THSD7B: variants seen among roughly 807,000 people sequenced by gnomAD.
The protein encoded by THSD7B is thrombospondin type 1 domain containing 7B.
A neutral mutation model predicts 213.6 loss-of-function variants in THSD7B; 138 were observed. That is an observed-to-expected ratio of 0.65 (90% CI 0.56 to 0.74). The LOEUF is 0.74. THSD7B is among the 30% of genes least tolerant of loss of function. THSD7B has a pLI of 0.00. For missense variants in THSD7B, 1,931 were observed against 1,991.5 expected, an observed-to-expected ratio of 0.97 and a Z score of 0.58; for synonymous variants, 742 against 687.0, an observed-to-expected ratio of 1.08 and a Z score of -1.25.
At chr2:137,032,689 C>T (rs966471337) in intron 2 of THSD7B, among the ~76,000 whole-genome samples, 1 of 152,156 alleles carries the variant, frequency 6.6e-6, no homozygotes, top group Non-Finnish European at 1.5e-5. Context: ...TCCTCTATCA[C>T]ATAACTGTAT....
At chr2:137,610,581 G>A (rs1682270148) in intron 17 of THSD7B, among the ~76,000 whole-genome samples, 1 of 152,082 alleles carries the variant, frequency 6.6e-6, no homozygotes, top group Non-Finnish European at 1.5e-5. Flanking sequence ...AGAACCCTGT[G>A]AAAGGAAATA....
At chr2:136,827,891 C>T (rs1233715813) in intron 1 of THSD7B, among the ~76,000 whole-genome samples, 1 of 151,790 alleles carries the variant, frequency 6.6e-6, no homozygotes, top group Non-Finnish European at 1.5e-5. Flanking sequence ...TGAATTTAGC[C>T]CATTTCTTAC....
intron 17 of THSD7B, among the ~76,000 whole-genome samples, chr2:137,598,177 G>A (rs1434731833): frequency 2.0e-5 from 3 of 152,030 alleles, no homozygotes; most frequent in South Asian, 2.1e-4. Context: ...CATTATTTTT[G>A]TCCTGATGAA....
intron 6 of THSD7B, among the ~76,000 whole-genome samples, chr2:137,167,608 T>C (rs1447082104): frequency 2.0e-5 from 3 of 152,170 alleles, no homozygotes; most frequent in Non-Finnish European, 4.4e-5. Flanking sequence ...CTGACCCCTT[T>C]TCTGCCATCT....
chr2:136,836,606 A>C (rs1360972943), intron 1 of THSD7B, among the ~76,000 whole-genome samples: 1 of 152,182 alleles, frequency 6.6e-6, no homozygotes, highest in Non-Finnish European at 1.5e-5. Flanking sequence ...TTTGAGTTTT[A>C]GAGTGCTCCA....
chr2:136,776,327 T>A (rs1486299779), intron 1 of THSD7B, among the ~76,000 whole-genome samples: 1 of 152,190 alleles, frequency 6.6e-6, no homozygotes, highest in Non-Finnish European at 1.5e-5. Context: ...TATTTCATGG[T>A]GTTTTGAAGT....
chr2:137,163,798 T>G (rs1209806661), intron 6 of THSD7B, among the ~76,000 whole-genome samples: 3 of 152,202 alleles, frequency 2.0e-5, no homozygotes, highest in Non-Finnish European at 4.4e-5. Flanking sequence ...ATACAGCACT[T>G]CACAAAATGA....
At chr2:136,903,962 GTGTGTGTGTGTTTGTT>G (rs1295719276) in intron 2 of THSD7B, among the ~76,000 whole-genome samples, 1,536 of 63,834 alleles carry the variant, frequency 0.024, 28 homozygotes, top group Middle Eastern at 0.08. Flanking sequence ...GTGTGTGTGT[GTGTGTGTGTGTTTGTT>G]TGTTTCTGAG....
At chr2:137,565,199 G>A (rs759604479) in intron 16 of THSD7B, among the ~76,000 whole-genome samples, 28 of 152,244 alleles carry the variant, frequency 1.8e-4, no homozygotes, top group Admixed American at 3.3e-4. Flanking sequence ...TGTCATTTAA[G>A]TGACCCAGTC....
intron 3 of THSD7B, among the ~76,000 whole-genome samples, chr2:137,077,922 T>A (rs748171292): frequency 5.3e-5 from 8 of 152,166 alleles, no homozygotes; most frequent in Non-Finnish European, 7.4e-5. Flanking sequence ...CTGAATGGTA[T>A]TGCCTAGGTT....
chr2:137,501,184 C>T (rs1679695306), intron 15 of THSD7B, among the ~76,000 whole-genome samples: 1 of 151,276 alleles, frequency 6.6e-6, no homozygotes, highest in Non-Finnish European at 1.5e-5. Flanking sequence ...CTGCATCTGC[C>T]CCTTTTGGAA....
intron 2 of THSD7B, among the ~76,000 whole-genome samples, chr2:137,023,590 G>A (rs368843523): frequency 6.6e-6 from 1 of 152,162 alleles, no homozygotes; most frequent in Non-Finnish European, 1.5e-5. Flanking sequence ...GAAGCATTTT[G>A]TGCAGATATC....
In THSD7B at chr2:137,183,860, G is replaced by T. The variant is rs147679871; in HGVS notation, c.1723+12922G>T. ...TTGTCATTTCTAACATTTTACTTTG[G>T]GCTGATTTCATTTTTAGTGTTCAAA... is the stretch of plus-strand genomic sequence containing the variant. On this transcript the variant is annotated intron_variant, in intron 7 of 27. Transcript: ENST00000409968. Among the ~76,000 whole-genome samples the T allele has an allele frequency of 2.8e-4, 43 of 152,082 alleles. No homozygotes were observed. In the Middle Eastern group the frequency reaches 0.014, roughly 48 times the overall value.
intron 2 of THSD7B, among the ~76,000 whole-genome samples, chr2:137,008,719 T>C (rs1039702155): frequency 1.1e-4 from 16 of 152,194 alleles, no homozygotes; most frequent in African/African-American, 3.9e-4. Context: ...TGTGGAACAT[T>C]TTTATTTTAC....
chr2:136,827,968 A>G lies in THSD7B; in HGVS notation c.-35-54176A>G, dbSNP rs532306677. On this transcript the variant is annotated intron_variant, in intron 1 of 27. Coordinates refer to ENST00000409968, the MANE Select transcript of THSD7B (RefSeq NM_001316349.2). Reference sequence around the variant, plus strand: ...AGAGTGTGTGTGTGTGTGCCTGTGTATGTCTTGTTTGTGTCTGTTATATCA... The same window carrying G: ...AGAGTGTGTGTGTGTGTGCCTGTGTGTGTCTTGTTTGTGTCTGTTATATCA... Among the ~76,000 whole-genome samples, 7 of 151,796 alleles carry G rather than the reference A, an allele frequency of 4.6e-5. No individual in the cohort carries two copies. The South Asian group carries it at 1.2e-3, about 27-fold the overall frequency.
chr2:137,452,556 A>T (rs149205230), intron 15 of THSD7B, among the ~76,000 whole-genome samples: 5 of 152,296 alleles, frequency 3.3e-5, no homozygotes, highest in Middle Eastern at 3.4e-3. Context: ...ATAATGTATG[A>T]TAATTCTTTT....
chr2:136,987,898 G>A (rs1685697096), intron 2 of THSD7B, among the ~76,000 whole-genome samples: 1 of 152,124 alleles, frequency 6.6e-6, no homozygotes, highest in African/African-American at 2.4e-5. Context: ...AGATTAATAT[G>A]AAGAAAGAAA....
At chr2:137,305,932 C>T (rs1008833987) in intron 12 of THSD7B, among the ~76,000 whole-genome samples, 1 of 152,046 alleles carries the variant, frequency 6.6e-6, no homozygotes, top group Non-Finnish European at 1.5e-5. Context: ...ATACTGTAGG[C>T]AATGATAACA....
Position 136,970,196 on chromosome 2 carries a change from G to A in THSD7B, c.140-86224G>A, listed in dbSNP as rs146732228. Among the ~76,000 whole-genome samples, 1,051 of 152,256 alleles carry A rather than the reference G, an allele frequency of 6.9e-3. 12 individuals are homozygous for A. The highest frequency in any genetic ancestry group is 0.024 in the African/African-American group (1,004 of 41,530). ...AGTAGAGGAATGGCCAGGCATGGTGGCTCATACCTGTAATCACAGCACTTT... is the reference window on the plus strand; with the variant it reads ...AGTAGAGGAATGGCCAGGCATGGTGACTCATACCTGTAATCACAGCACTTT... On this transcript the variant is annotated intron_variant, in intron 2 of 27. Coordinates refer to ENST00000409968, the MANE Select transcript of THSD7B (RefSeq NM_001316349.2).
Sources: allele counts gnomAD v4.1 joint callset (sites outside exome capture counted in the v4.1 genomes callset), GRCh38; gene constraint gnomAD v4.1.1; transcripts MANE v1.5; gene names NCBI Gene and HGNC (gene_info 2026-07-23, HGNC 2026-07-21).